The following SANBR variants were observed in gnomAD, a reference collection of about 807,000 sequenced individuals.
SANBR encodes the protein SANT and BTB domain regulator of CSR.
A neutral mutation model predicts 101.8 loss-of-function variants in SANBR; 77 were observed. The observed-to-expected ratio is 0.76, with a 90% CI of 0.63 to 0.91. The LOEUF (loss-of-function observed/expected upper bound fraction) is 0.91, where lower values mean the gene tolerates loss of function less well. SANBR is among the 40% of genes least tolerant of loss of function. The pLI, the probability that SANBR is intolerant of heterozygous loss-of-function variation, is 0.00. For missense variants in SANBR, 875 were observed against 853.0 expected, an observed-to-expected ratio of 1.03 and a Z score of -0.32; for synonymous variants, 279 against 274.7, an observed-to-expected ratio of 1.02 and a Z score of -0.15.
chr2:61,117,318 T>C, intron 17 of SANBR, 39 bp from the exon 18 acceptor site: 1 of 1,578,542 alleles, frequency 6.3e-7, no homozygotes, highest in Non-Finnish European at 8.7e-7. Flanking sequence ...TCAGTAAACA[T>C]GTTCTAATTG....
At chr2:61,109,564 A>G (rs1161861266) in intron 16 of SANBR, among the ~76,000 whole-genome samples, 2 of 152,044 alleles carry the variant, frequency 1.3e-5, no homozygotes, top group African/African-American at 2.4e-5. Flanking sequence ...TTCAGATGAA[A>G]TGTGATCTGA....
intron 10 of SANBR, chr2:61,090,610 TG>T (rs1275477748): frequency 6.5e-6 from 1 of 153,040 alleles, no homozygotes; most frequent in Non-Finnish European, 1.5e-5. Flanking sequence ...CTTGAACTCC[TG>T]GACTTTCAAG....
intron 16 of SANBR, among the ~76,000 whole-genome samples, chr2:61,110,315 A>G (rs140257235): frequency 0.061 from 9,251 of 152,206 alleles, 978 homozygotes; most frequent in African/African-American, 0.21. Flanking sequence ...AAGCCGAGGC[A>G]GGCAGATCAC....
At chr2:61,094,372 A>G (rs1384783733) in intron 11 of SANBR, among the ~76,000 whole-genome samples, 1 of 152,222 alleles carries the variant, frequency 6.6e-6, no homozygotes, top group East Asian at 1.9e-4. Flanking sequence ...ATAGGATCAT[A>G]TAGCATTTAG....
chr2:61,088,893 C>T, intron 10 of SANBR: 1 of 910,072 alleles, frequency 1.1e-6, no homozygotes, highest in Non-Finnish European at 1.3e-6. Context: ...GGGATAACAT[C>T]TTTTCTGCAT....
In SANBR at chr2:61,097,756, T is replaced by C. The variant is rs749680883; in HGVS notation, c.1269T>C (p.Tyr423=). 1.2e-6 allele frequency: 2 copies of C among 1,612,226 alleles called. No individual in the cohort carries two copies. Among genetic ancestry groups the C allele is most frequent in the South Asian group, 1.1e-5 (1 of 90,936 alleles). ...AATACCACTCAGAAACAGTGGTTTATCCTACTGCAGCAAGTTCATTGAATA... is the reference window on the plus strand; with the variant it reads ...AATACCACTCAGAAACAGTGGTTTACCCTACTGCAGCAAGTTCATTGAATA... ...HCQYHSETVV[Y]PTAASSLNTV... The change falls in exon 12 of 22, where the codon TAT becomes TAC. Residue 423 remains tyrosine, a synonymous_variant. Coordinates refer to ENST00000402291, the MANE Select transcript of SANBR (RefSeq NM_001129993.3).
chr2:61,105,946 A>ACCCACT lies in SANBR; in HGVS notation c.1512-617_1512-616insCCCACT, dbSNP rs1235424878. Reference sequence around the variant, plus strand: ...CGGCCTCGCAAAGTGCTGGGATTAGAGGCGTGACCCACTGTGCCCAGCCAA... The same window carrying ACCCACT: ...CGGCCTCGCAAAGTGCTGGGATTAGACCCACTGGCGTGACCCACTGTGCCCAGCCAA... On this transcript the variant is annotated intron_variant, in intron 13 of 21. Transcript: ENST00000402291. Among the ~76,000 whole-genome samples the ACCCACT allele has an allele frequency of 2.6e-5, 4 of 152,134 alleles. No individual in the cohort carries two copies. The East Asian group carries it at 7.7e-4, about 29-fold the overall frequency.
intron 14 of SANBR, among the ~76,000 whole-genome samples, 192 bp from the exon 15 acceptor site, chr2:61,108,125 C>T (rs760476915): frequency 1.3e-5 from 2 of 152,110 alleles, no homozygotes; most frequent in African/African-American, 2.4e-5. Context: ...AGAAAACATC[C>T]ACATCCTCCT....
At chr2:61,132,539 G>A (rs1169337946) in intron 20 of SANBR, among the ~76,000 whole-genome samples, 2 of 152,198 alleles carry the variant, frequency 1.3e-5, no homozygotes, top group East Asian at 3.8e-4. Flanking sequence ...CAAGGATGTG[G>A]AGAAATTGGA....
At chr2:61,106,455 C>G in intron 13 of SANBR, 108 bp from the exon 14 acceptor site, 1 of 592,226 alleles carries the variant, frequency 1.7e-6, no homozygotes, top group Non-Finnish European at 3.0e-6. Context: ...TACTCAGGAA[C>G]TGTATTTCTA....
At chr2:61,103,821 T>C (rs1211073333) in intron 12 of SANBR, 32 bp from the exon 13 acceptor site, 32 of 1,605,672 alleles carry the variant, frequency 2.0e-5, no homozygotes, top group Admixed American at 3.4e-5. Flanking sequence ...TATAACAAAC[T>C]AACCTCTAAT....
intron 21 of SANBR, chr2:61,134,386 C>T (rs1239485151): frequency 2.1e-5 from 23 of 1,082,556 alleles, no homozygotes; most frequent in Middle Eastern, 2.8e-4. Flanking sequence ...TATTCCCCCA[C>T]CTAGATGGTT....
At chr2:61,113,541 A>G (rs1305405530) in intron 16 of SANBR, among the ~76,000 whole-genome samples, 1 of 152,276 alleles carries the variant, frequency 6.6e-6, no homozygotes, top group East Asian at 1.9e-4. Context: ...GGTGTTGAAC[A>G]TCTTTTGTTA....
chr2:61,073,081 A>T (rs1681570089), intron 4 of SANBR, among the ~76,000 whole-genome samples: 1 of 152,104 alleles, frequency 6.6e-6, no homozygotes, highest in Non-Finnish European at 1.5e-5. Context: ...TGGAAATAAT[A>T]ACTGGTTTTA....
intron 1 of SANBR, among the ~76,000 whole-genome samples, chr2:61,066,926 A>G (rs902109240): frequency 6.6e-6 from 1 of 152,152 alleles, no homozygotes; most frequent in Admixed American, 6.5e-5. Flanking sequence ...TAAATAACGT[A>G]TTTTACCTTA....
intron 6 of SANBR, among the ~76,000 whole-genome samples, chr2:61,077,585 TAAGAAAAAAAAA>T (rs1485279863): frequency 2.0e-5 from 3 of 147,444 alleles, no homozygotes; most frequent in Non-Finnish European, 4.5e-5. Context: ...ACATAGTTAA[TAAGAAAAAAAAA>T]AAGAAAAGAA....
rs1682558100 is a variant in SANBR, at chr2:61,088,341, ATCT to A, written c.978-12_978-10del. ...ATTCTTCTTCCTGGATGTTTTTTGT[ATCT>A]TCTTTGTTTATAGATGCTGTTTGTG... On this transcript the variant is annotated splice_polypyrimidine_tract_variant and intron_variant, in intron 9 of 21. Transcript: ENST00000402291. The A allele has an allele frequency of 6.4e-7, 1 of 1,573,414 alleles. No homozygotes were observed. The highest frequency in any genetic ancestry group is 8.6e-7 in the Non-Finnish European group (1 of 1,161,494).
rs1302835098 is a variant in SANBR, at chr2:61,124,246, C to T, written c.*2084C>T. The T allele has an allele frequency of 2.1e-6, 2 of 966,494 alleles. No individual in the cohort carries two copies. Among genetic ancestry groups the T allele is most frequent in the Admixed American group, 6.2e-5 (1 of 16,220 alleles). The allele number at this position is 966,494 out of a possible 1,614,324, so 59.9% of individuals were successfully genotyped here. On this transcript the variant is annotated 3_prime_UTR_variant, in exon 22 of 22. Coordinates refer to ENST00000402291, the MANE Select transcript of SANBR (RefSeq NM_001129993.3). ...TCACCTTACATTAATCCTGGATTCA[C>T]ATTTCTTTAATTGAAATAAATGTTA...
intron 12 of SANBR, among the ~76,000 whole-genome samples, chr2:61,099,104 T>G (rs1208208542): frequency 6.6e-6 from 1 of 152,156 alleles, no homozygotes; most frequent in Non-Finnish European, 1.5e-5. Context: ...TAAAAGAGAC[T>G]GAAAGAGCCT....
Sources: allele counts gnomAD v4.1 joint callset (sites outside exome capture counted in the v4.1 genomes callset), GRCh38; gene constraint gnomAD v4.1.1; transcripts MANE v1.5; gene names NCBI Gene and HGNC (gene_info 2026-07-23, HGNC 2026-07-21).